Variants in GNPTAB observed in about 807,000 individuals in gnomAD.
GNPTAB encodes the protein N-acetylglucosamine-1-phosphate transferase subunits alpha and beta.
GNPTAB carries 92 observed loss-of-function variants against 136.6 expected under a neutral mutation model. The observed-to-expected ratio is 0.67, with a 90% CI of 0.57 to 0.80. The LOEUF is 0.80. Ranked by LOEUF, GNPTAB falls within the 30% of genes least tolerant of loss-of-function variation. The pLI is 0.00. For synonymous variants in GNPTAB, 512 were observed against 535.1 expected, an observed-to-expected ratio of 0.96 and a Z score of 0.60; for missense variants, 1,343 against 1,501.8, an observed-to-expected ratio of 0.89 and a Z score of 1.75.
intron 1 of GNPTAB, among the ~76,000 whole-genome samples, chr12:101,828,192 A>G (rs1489519848): frequency 6.6e-6 from 1 of 152,236 alleles, no homozygotes; most frequent in Non-Finnish European, 1.5e-5. Flanking sequence ...TCTGTTATGT[A>G]GTAGGAACTG....
Position 101,766,250 on chromosome 12 carries a change from C to T in GNPTAB, c.1453G>A (p.Gly485Arg). ...SRYIAGGGGT[G>R]SIGVGQPWQF... ...CAGGGCTGTCCAACTCCAATACTCCCAGTACCTCCACCTCCTGCAATATAG... is the reference window on the plus strand; with the variant it reads ...CAGGGCTGTCCAACTCCAATACTCCTAGTACCTCCACCTCCTGCAATATAG... Residue 485 changes from glycine (G) to arginine (R), a missense_variant, in exon 12 of 21, where the codon GGG (glycine) becomes AGG (arginine). Coordinates refer to ENST00000299314, the MANE Select transcript of GNPTAB (RefSeq NM_024312.5). 1 of 1,614,132 alleles carries T rather than the reference C, an allele frequency of 6.2e-7. No homozygotes were observed. The highest frequency in any genetic ancestry group is 8.5e-7 in the Non-Finnish European group (1 of 1,179,988).
intron 10 of GNPTAB, among the ~76,000 whole-genome samples, chr12:101,768,616 C>A (rs964326335): frequency 6.6e-6 from 1 of 152,186 alleles, no homozygotes; most frequent in African/African-American, 2.4e-5. Context: ...AATATCCTCT[C>A]TCTTCAAGCT....
intron 1 of GNPTAB, among the ~76,000 whole-genome samples, chr12:101,803,307 A>G (rs1219112605): frequency 6.6e-6 from 1 of 152,234 alleles, no homozygotes. Flanking sequence ...TATATTAAAG[A>G]TATTTTAAGC....
chr12:101,800,004 CAT>C (rs1328172139), intron 1 of GNPTAB, among the ~76,000 whole-genome samples: 1 of 152,222 alleles, frequency 6.6e-6, no homozygotes, highest in African/African-American at 2.4e-5. Context: ...GACTTGTTTC[CAT>C]ACACTTGTAC....
intron 6 of GNPTAB, 110 bp from the exon 7 acceptor site, chr12:101,780,396 T>G (rs976909729): frequency 1.0e-5 from 13 of 1,262,006 alleles, no homozygotes; most frequent in Non-Finnish European, 1.5e-5. Flanking sequence ...AGCTTCAAAA[T>G]ATGATTTTTA....
chr12:101,825,613 T>C (rs78416346), intron 1 of GNPTAB, among the ~76,000 whole-genome samples: 7,861 of 152,224 alleles, frequency 0.052, 663 homozygotes, highest in African/African-American at 0.18. Context: ...AGCTGGACTA[T>C]GTACCTCTCA....
chr12:101,749,407 T>C (rs1037985283), intron 19 of GNPTAB, among the ~76,000 whole-genome samples: 1 of 152,238 alleles, frequency 6.6e-6, no homozygotes, highest in Non-Finnish European at 1.5e-5. Flanking sequence ...AGTGAAGTTA[T>C]CCAGGCAGGA....
rs764960126 is a variant in GNPTAB, at chr12:101,771,085, T to G, written c.844A>C (p.Lys282Gln). The G allele has an allele frequency of 6.2e-7, 1 of 1,613,878 alleles. No individual in the cohort carries two copies. Among genetic ancestry groups the G allele is most frequent in the South Asian group, 1.1e-5 (1 of 91,072 alleles). The change falls in exon 8 of 21, where the codon AAG (lysine) becomes CAG (glutamine). Residue 282 changes from lysine (K) to glutamine (Q), a missense_variant. Transcript: ENST00000299314. ...ATGGTCATGTTCTTCTTAGTTTGCT[T>G]ATTCAATTCTTGAAAATCCTTGGGG... is the stretch of plus-strand genomic sequence containing the variant. ...NNPKDFQELN[K>Q]QTKKNMTIDG... is the part of the protein sequence containing the mutation.
intron 7 of GNPTAB, 109 bp downstream of exon 7, chr12:101,780,040 GCTT>G (rs1420431865): frequency 2.8e-6 from 3 of 1,065,594 alleles, no homozygotes; most frequent in Non-Finnish European, 4.4e-6. Context: ...ATCCCTCTTT[GCTT>G]CTTATGTTTA....
At chr12:101,795,685 A>G (rs7980314) in intron 2 of GNPTAB, among the ~76,000 whole-genome samples, 93,866 of 151,782 alleles carry the variant, frequency 0.62, 30,619 homozygotes, top group East Asian at 0.92. Flanking sequence ...TCCAGGAGGC[A>G]GAGGTTGCAG....
intron 1 of GNPTAB, among the ~76,000 whole-genome samples, chr12:101,813,213 T>C (rs1483930698): frequency 6.6e-6 from 1 of 152,246 alleles, no homozygotes; most frequent in Non-Finnish European, 1.5e-5. Flanking sequence ...AATTTTCATG[T>C]TGTTGTGAAA....
At chr12:101,808,032 A>T (rs577303910) in intron 1 of GNPTAB, among the ~76,000 whole-genome samples, 1 of 152,304 alleles carries the variant, frequency 6.6e-6, no homozygotes, top group Non-Finnish European at 1.5e-5. Flanking sequence ...AAAATAAGAA[A>T]TGCGTAGGCA....
At chr12:101,800,868 G>A (rs1299217369) in intron 1 of GNPTAB, among the ~76,000 whole-genome samples, 2 of 151,990 alleles carry the variant, frequency 1.3e-5, no homozygotes, top group Non-Finnish European at 2.9e-5. Flanking sequence ...GTACCTTGAA[G>A]CTTCTAAGCA....
rs769470293 is a variant in GNPTAB at position 101,780,516 on chromosome 12, T to C, written c.636+41A>G. The C allele has an allele frequency of 2.9e-6, 4 of 1,356,226 alleles. No homozygotes were observed. The African/African-American group carries it at 4.3e-5, about 15-fold the overall frequency. 84.0% of individuals were successfully genotyped at this position (1,356,226 alleles called of 1,614,324 possible). A position where few individuals can be genotyped will look rare whatever the true frequency, so the allele number is the denominator to read the frequency against. ...AGCTTTATTATTCATATTTTTATTCTAGTCTATTGTAAAAATGCAATTAAA... is the reference window on the plus strand; with the variant it reads ...AGCTTTATTATTCATATTTTTATTCCAGTCTATTGTAAAAATGCAATTAAA... On this transcript the variant is annotated intron_variant, in intron 6 of 20. Coordinates refer to ENST00000299314, the MANE Select transcript of GNPTAB (RefSeq NM_024312.5).
intron 5 of GNPTAB, among the ~76,000 whole-genome samples, chr12:101,781,152 T>G (rs539257428): frequency 6.6e-6 from 1 of 152,146 alleles, no homozygotes; most frequent in Non-Finnish European, 1.5e-5. Context: ...TGGAGCATCA[T>G]AAGTCACAGT....
chr12:101,770,797 C>T (rs898889677), intron 8 of GNPTAB, among the ~76,000 whole-genome samples, 199 bp downstream of exon 8: 3 of 152,134 alleles, frequency 2.0e-5, no homozygotes, highest in African/African-American at 7.2e-5. Context: ...CTATAACACA[C>T]TTTATGAAGA....
In GNPTAB at chr12:101,757,296, C is replaced by A; in HGVS notation, c.3350G>T (p.Gly1117Val). Residue 1117 changes from glycine to valine, a missense_variant, in exon 18 of 21, where the codon GGA (glycine) becomes GTA (valine). Transcript: ENST00000299314. ...CATTTTAAAAGCGATTTCTTCTTCT[C>A]CCATGATTTCAAACCTAATTATCAA... The part of the protein sequence containing the change: ...DKNKYRFEIM[G>V]EEEIAFKMIR... 6.3e-7 allele frequency: 1 copy of A among 1,594,288 alleles called. No individual in the cohort carries two copies. The highest frequency in any genetic ancestry group is 8.6e-7 in the Non-Finnish European group (1 of 1,162,624).
intron 4 of GNPTAB, among the ~76,000 whole-genome samples, chr12:101,788,096 G>A (rs1385645650): frequency 6.6e-6 from 1 of 152,192 alleles, no homozygotes; most frequent in Non-Finnish European, 1.5e-5. Context: ...CGAGATAGGT[G>A]TATTTGGTTC....
chr12:101,808,375 TAAAAAAAA>T (rs779978335), intron 1 of GNPTAB, among the ~76,000 whole-genome samples: 1 of 106,716 alleles, frequency 9.4e-6, no homozygotes, highest in Non-Finnish European at 1.9e-5. Flanking sequence ...CCCGGGCAAT[TAAAAAAAA>T]AAAAAAAAAA....
Sources: allele counts gnomAD v4.1 joint callset (sites outside exome capture counted in the v4.1 genomes callset), GRCh38; gene constraint gnomAD v4.1.1; transcripts MANE v1.5; gene names NCBI Gene and HGNC (gene_info 2026-07-23, HGNC 2026-07-21).